Variants in CDH18 observed in about 807,000 individuals in gnomAD.
The protein encoded by CDH18 is cadherin 18, also known as cadherin-18.
A neutral mutation model predicts 67.9 loss-of-function variants in CDH18; 31 were observed. The observed-to-expected ratio is 0.46, with a 90% CI of 0.34 to 0.62. The LOEUF is 0.62. Among genes scored for constraint, CDH18 ranks in the 20% least tolerant of loss-of-function variants. The probability of loss-of-function intolerance (pLI) is 0.01; values close to 1 mark genes in which losing one functional copy is unlikely to be tolerated. For synonymous variants in CDH18, 362 were observed against 347.2 expected (o/e 1.04, Z -0.48); for missense variants, 890 against 975.5 (o/e 0.91, Z 1.17).
rs368586296 is a variant in CDH18 at position 19,900,451 on chromosome 5, T to C, written c.-256-61209A>G. 1.8e-4 allele frequency among the ~76,000 whole-genome samples: 27 copies of C among 151,918 alleles called. No homozygotes were observed. In the East Asian group the frequency reaches 2.1e-3, roughly 12 times the overall value. ...ATGGATATTTAATGATTACACAATG[T>C]ATACATGTATCAAACCCTGATTCGA... On this transcript the variant is annotated intron_variant, in intron 2 of 12. Coordinates refer to ENST00000382275, the MANE Select transcript of CDH18 (RefSeq NM_004934.5).
intron 1 of CDH18, among the ~76,000 whole-genome samples, chr5:20,438,419 G>A (rs914394890): frequency 6.6e-6 from 1 of 151,296 alleles, no homozygotes; most frequent in African/African-American, 2.4e-5. Flanking sequence ...CTAATATTCT[G>A]CAAAGATAGG....
At chr5:19,687,236 G>T (rs1003729712) in intron 5 of CDH18, among the ~76,000 whole-genome samples, 9 of 152,076 alleles carry the variant, frequency 5.9e-5, no homozygotes, top group African/African-American at 1.9e-4. Context: ...AGGGAGTGAT[G>T]CTCCACTTGG....
At chr5:19,521,651 C>T (rs1191113532) in intron 9 of CDH18, among the ~76,000 whole-genome samples, 1 of 151,748 alleles carries the variant, frequency 6.6e-6, no homozygotes, top group Admixed American at 6.6e-5. Flanking sequence ...GGAATAAATA[C>T]TTATAGAGAA....
Position 20,171,050 on chromosome 5 carries a change from A to T in CDH18, c.-518+84394T>A, listed in dbSNP as rs66879707. Among the ~76,000 whole-genome samples the T allele has an allele frequency of 6.1e-3, 215 of 35,008 alleles. 1 individual carries two copies. In the South Asian group the frequency reaches 0.096, roughly 16 times the overall value. 23.0% of individuals were successfully genotyped at this position (35,008 alleles called of 152,430 possible). A position where few individuals can be genotyped will look rare whatever the true frequency, so the allele number is the denominator to read the frequency against. On this transcript the variant is annotated intron_variant, in intron 2 of 14. Coordinates refer to the CDH18 transcript ENST00000507958. The stretch of plus-strand genomic sequence containing the variant: ...AAGTATATGATCTCCTTTTTTTTTT[A>T]TATATATATATAGCTGCATAGCATT...
chr5:19,910,082 G>T (rs989657243), intron 2 of CDH18, among the ~76,000 whole-genome samples: 1 of 152,090 alleles, frequency 6.6e-6, no homozygotes, highest in Non-Finnish European at 1.5e-5. Context: ...CTTCAGAAAT[G>T]GATATTTTCT....
chr5:19,699,282 T>G (rs578092965), intron 5 of CDH18, among the ~76,000 whole-genome samples: 1 of 152,282 alleles, frequency 6.6e-6, no homozygotes, highest in East Asian at 1.9e-4. Flanking sequence ...CCAAATAACC[T>G]GCAATTGATC....
At chr5:19,838,699 G>T in intron 3 of CDH18, 60 bp downstream of exon 3, 1 of 1,115,820 alleles carries the variant, frequency 9.0e-7, no homozygotes, top group Non-Finnish European at 1.3e-6. Flanking sequence ...TCCAACATGA[G>T]CTCATCTTAC....
chr5:20,309,271 C>G (rs545226417), intron 1 of CDH18, among the ~76,000 whole-genome samples: 35 of 152,226 alleles, frequency 2.3e-4, no homozygotes, highest in African/African-American at 8.4e-4. Context: ...TATTTCCTCC[C>G]TTTTTCTTTT....
At chr5:19,488,815 C>T (rs543216107) in intron 11 of CDH18, among the ~76,000 whole-genome samples, 7 of 152,280 alleles carry the variant, frequency 4.6e-5, no homozygotes, top group Non-Finnish European at 8.8e-5. Context: ...TCTCTTTATG[C>T]TCTTTAACGA....
At chr5:20,410,720 G>A (rs1302298439) in intron 1 of CDH18, among the ~76,000 whole-genome samples, 2 of 151,658 alleles carry the variant, frequency 1.3e-5, no homozygotes, top group African/African-American at 4.8e-5. Flanking sequence ...AATTTTCTTT[G>A]TAGGCAAATG....
intron 1 of CDH18, among the ~76,000 whole-genome samples, chr5:20,412,558 G>T (rs1384610570): frequency 6.6e-6 from 1 of 152,112 alleles, no homozygotes; most frequent in Non-Finnish European, 1.5e-5. Context: ...GTGCAAACTG[G>T]CAACCTACAG....
chr5:19,925,492 CT>C (rs141524588), intron 2 of CDH18, among the ~76,000 whole-genome samples: 2 of 151,344 alleles, frequency 1.3e-5, no homozygotes, highest in Admixed American at 6.6e-5. Context: ...CTGCATTTTT[CT>C]TTTTTTTTCC....
chr5:19,587,687 G>A (rs772333215), intron 7 of CDH18, among the ~76,000 whole-genome samples: 1 of 151,486 alleles, frequency 6.6e-6, no homozygotes, highest in Non-Finnish European at 1.5e-5. Flanking sequence ...TGTTGTTTTG[G>A]TTACTGTAGC....
chr5:19,567,817 CA>C (rs1740688728), intron 8 of CDH18, among the ~76,000 whole-genome samples: 1 of 152,100 alleles, frequency 6.6e-6, no homozygotes, highest in Admixed American at 6.5e-5. Context: ...AACTATGTAC[CA>C]ATCATCTTTG....
At chr5:19,611,989 TAC>T (rs1453014862) in intron 6 of CDH18, among the ~76,000 whole-genome samples, 2 of 150,920 alleles carry the variant, frequency 1.3e-5, no homozygotes, top group African/African-American at 2.4e-5. Flanking sequence ...TGTGTGTGCA[TAC>T]ATGCATGCAT....
chr5:20,167,674 G>A (rs1736398051), intron 2 of CDH18, among the ~76,000 whole-genome samples: 1 of 152,128 alleles, frequency 6.6e-6, no homozygotes, highest in Non-Finnish European at 1.5e-5. Context: ...AGAGACATGT[G>A]AATGTGCAGT....
intron 3 of CDH18, among the ~76,000 whole-genome samples, chr5:19,809,701 G>T (rs1778437214): frequency 6.6e-6 from 1 of 152,156 alleles, no homozygotes; most frequent in Admixed American, 6.5e-5. Flanking sequence ...TTTACATTAA[G>T]TGTATACATA....
intron 1 of CDH18, among the ~76,000 whole-genome samples, chr5:20,446,140 A>T (rs969984794): frequency 4.6e-5 from 7 of 152,158 alleles, no homozygotes; most frequent in Admixed American, 2.0e-4. Flanking sequence ...GGGTAAAATG[A>T]ACTTAGGGTC....
intron 2 of CDH18, among the ~76,000 whole-genome samples, chr5:20,071,954 C>G (rs1177842775): frequency 6.6e-6 from 1 of 152,072 alleles, no homozygotes; most frequent in Non-Finnish European, 1.5e-5. Flanking sequence ...AGACCTACAC[C>G]TTTGGTGAGA....
Sources: gnomAD v4.1 joint callset for allele counts (sites outside exome capture counted in the v4.1 genomes callset) on GRCh38, gnomAD v4.1.1 for gene constraint, MANE v1.5 for transcripts, NCBI Gene and HGNC (gene_info 2026-07-23, HGNC 2026-07-21) for gene names.